PHF21B: variants seen among roughly 807,000 people sequenced by gnomAD.
The protein encoded by PHF21B is PHD finger protein 4.
In PHF21B, 22 loss-of-function variants were observed where a neutral mutation model predicts 62.2. That is an observed-to-expected ratio of 0.35 (90% confidence interval 0.25 to 0.51). PHF21B has a LOEUF of 0.51. Ranked by LOEUF, PHF21B falls within the 20% of genes least tolerant of loss-of-function variation. The probability of loss-of-function intolerance (pLI) is 0.97; values close to 1 mark genes in which losing one functional copy is unlikely to be tolerated. For synonymous variants in PHF21B, 341 were observed against 314.7 expected (o/e 1.08, Z -0.88); for missense variants, 701 against 707.9 (o/e 0.99, Z 0.11).
chr22:44,903,029 A>C (rs1247662659), intron 5 of PHF21B, among the ~76,000 whole-genome samples: 1 of 152,108 alleles, frequency 6.6e-6, no homozygotes, highest in Non-Finnish European at 1.5e-5. Context: ...CCTCTCCCCC[A>C]TGGTCAAAGA....
chr22:44,999,482 C>G (rs185121457), intron 2 of PHF21B, among the ~76,000 whole-genome samples: 4 of 152,238 alleles, frequency 2.6e-5, no homozygotes, highest in African/African-American at 9.6e-5. Flanking sequence ...CCGGGAGATG[C>G]AGAGACCCAG....
chr22:44,956,576 A>G (rs2072301828), intron 2 of PHF21B, among the ~76,000 whole-genome samples: 1 of 152,190 alleles, frequency 6.6e-6, no homozygotes, highest in Non-Finnish European at 1.5e-5. Context: ...TTTATCACAC[A>G]TTATGGGACT....
intron 11 of PHF21B, 47 bp from the exon 12 acceptor site, chr22:44,885,576 G>T (rs755408272): frequency 6.6e-7 from 1 of 1,525,686 alleles, no homozygotes; most frequent in South Asian, 1.2e-5. Flanking sequence ...GGTAAGGAGC[G>T]GCTGGGTCGT....
In PHF21B at chr22:44,909,524, T is replaced by C. The variant is rs1007794293; in HGVS notation, c.831+4298A>G. ...CAGCTCCTTGACTTCACTGGCTTTT[T>C]AGACATGTCGAAGGACAATAATCAA... On this transcript the variant is annotated intron_variant, in intron 5 of 12. Coordinates refer to ENST00000313237, the MANE Select transcript of PHF21B (RefSeq NM_138415.5). Among the ~76,000 whole-genome samples the C allele has an allele frequency of 7.9e-5, 12 of 152,378 alleles. 3 individuals carry two copies.
At chr22:44,885,705 C>A (rs1308240330) in intron 11 of PHF21B, among the ~76,000 whole-genome samples, 158 bp downstream of exon 11, 2 of 152,214 alleles carry the variant, frequency 1.3e-5, no homozygotes, top group African/African-American at 4.8e-5. Context: ...CCACACCTGC[C>A]CCGGACACAG....
intron 2 of PHF21B, among the ~76,000 whole-genome samples, chr22:44,952,571 C>A (rs1355874275): frequency 1.3e-5 from 2 of 152,210 alleles, no homozygotes; most frequent in Admixed American, 6.5e-5. Flanking sequence ...GGGCTTTCAA[C>A]TGATGGGAAT....
chr22:44,907,005 A>G (rs963961475), intron 5 of PHF21B, among the ~76,000 whole-genome samples: 2 of 152,182 alleles, frequency 1.3e-5, no homozygotes, highest in Non-Finnish European at 2.9e-5. Flanking sequence ...CTGAGCTTCC[A>G]CTGCCCATCA....
intron 2 of PHF21B, among the ~76,000 whole-genome samples, chr22:44,941,793 C>T (rs1253028274): frequency 2.0e-5 from 3 of 152,242 alleles, no homozygotes; most frequent in Admixed American, 6.5e-5. Flanking sequence ...AAGGTGAGGA[C>T]GGCAGGGGCA....
chr22:45,009,645 G>A lies in PHF21B; in HGVS notation c.-96C>T. The A allele has an allele frequency of 7.8e-7, 1 of 1,279,960 alleles. No individual in the cohort carries two copies. The highest frequency in any genetic ancestry group is 1.0e-6 in the Non-Finnish European group (1 of 973,978). The allele number at this position is 1,279,960 out of a possible 1,614,324, so 79.3% of individuals were successfully genotyped here. ...GGCCAGAGCGGGCGCGGGCGGACGC[G>A]GCCTCCGGGCTGGGTTGGGGGGGAC... On this transcript the variant is annotated 5_prime_UTR_variant, in exon 1 of 13. Transcript: ENST00000313237. The surrounding 1 kb of genome is among the most constrained non-coding windows in gnomAD (Gnocchi z 5.9).
intron 2 of PHF21B, among the ~76,000 whole-genome samples, chr22:44,957,339 C>G (rs1182331520): frequency 6.6e-6 from 1 of 152,190 alleles, no homozygotes; most frequent in African/African-American, 2.4e-5. Context: ...ATGAAAAACC[C>G]TCTGAAGGTA....
chr22:44,895,851 T>C (rs148087813), intron 6 of PHF21B, among the ~76,000 whole-genome samples, 181 bp downstream of exon 6: 71 of 152,312 alleles, frequency 4.7e-4, no homozygotes, highest in Non-Finnish European at 8.5e-4. Context: ...AGGTGGTTTA[T>C]ACACAGACAC....
chr22:44,906,197 G>A (rs775449062), intron 5 of PHF21B, among the ~76,000 whole-genome samples: 3 of 152,224 alleles, frequency 2.0e-5, no homozygotes, highest in Non-Finnish European at 2.9e-5. Context: ...TGTATCTGGG[G>A]TTGCTGTGGG....
At position 45,008,608 on chromosome 22, in the gene PHF21B, G is replaced by A. The variant is rs1221789342; in HGVS notation, c.57C>T (p.Asn19=). 1.3e-6 allele frequency: 2 copies of A among 1,585,416 alleles called. No homozygotes were observed. Among genetic ancestry groups the A allele is most frequent in the Non-Finnish European group, 8.6e-7 (1 of 1,166,402 alleles). Residue 19 remains asparagine, a splice_region_variant and synonymous_variant, in exon 2 of 13, where the codon AAC becomes AAT. Coordinates refer to ENST00000313237, the MANE Select transcript of PHF21B (RefSeq NM_138415.5). The part of the protein sequence containing the change: ...ALAVELARHQ[N]GDLKKQLHER... ...CGTGGAGCTGCTTCTTGAGGTCGCC[G>A]TTCTGCGGAAACACGGAGGAGCGGG... is the stretch of plus-strand genomic sequence containing the variant.
At position 45,009,561 on chromosome 22, in the gene PHF21B, G is replaced by C. The variant is rs1465864700; in HGVS notation, c.-12C>G. ...CTCTGCAGCTCCATCCCGGCAACTT[G>C]GGCAGCACTTTGCGCTCACTTTGGC... On this transcript the variant is annotated 5_prime_UTR_variant, in exon 1 of 13. Coordinates refer to ENST00000313237, the MANE Select transcript of PHF21B (RefSeq NM_138415.5). This position sits in a 1 kb window ranked among gnomAD's most constrained non-coding sequence, Gnocchi z 5.9. 1 of 1,568,442 alleles carries C rather than the reference G, an allele frequency of 6.4e-7. No homozygotes were observed. The highest frequency in any genetic ancestry group is 1.4e-5 in the African/African-American group (1 of 72,990).
At chr22:44,928,649 A>T (rs1243914461) in intron 2 of PHF21B, among the ~76,000 whole-genome samples, 1 of 152,174 alleles carries the variant, frequency 6.6e-6, no homozygotes, top group Non-Finnish European at 1.5e-5. Context: ...ACCTCAAACG[A>T]TCTGCCCACC....
intron 2 of PHF21B, among the ~76,000 whole-genome samples, chr22:44,971,644 C>G (rs904967245): frequency 6.6e-6 from 1 of 152,102 alleles, no homozygotes; most frequent in Non-Finnish European, 1.5e-5. Flanking sequence ...TTGGGCGGCT[C>G]TCTCTCTCCC....
chr22:44,937,886 G>T (rs893718666), intron 2 of PHF21B, among the ~76,000 whole-genome samples: 4 of 152,260 alleles, frequency 2.6e-5, no homozygotes, highest in Non-Finnish European at 4.4e-5. Flanking sequence ...CTAATCCCTG[G>T]TGATGAAATC....
chr22:44,910,335 C>T (rs548875762), intron 5 of PHF21B, among the ~76,000 whole-genome samples: 3 of 152,284 alleles, frequency 2.0e-5, no homozygotes, highest in African/African-American at 7.2e-5. Flanking sequence ...AATCCCAGCA[C>T]TTTCGGAGGC....
At chr22:44,943,405 C>T (rs1389592033) in intron 2 of PHF21B, among the ~76,000 whole-genome samples, 2 of 152,190 alleles carry the variant, frequency 1.3e-5, no homozygotes, top group African/African-American at 2.4e-5. Flanking sequence ...AGAGCCCCAT[C>T]TGAGCTAGAT....
Sources: gnomAD v4.1 joint callset for allele counts (sites outside exome capture counted in the v4.1 genomes callset) on GRCh38, gnomAD v4.1.1 for gene constraint, Gnocchi (gnomAD v3.1) non-coding constraint, MANE v1.5 for transcripts, NCBI Gene and HGNC (gene_info 2026-07-23, HGNC 2026-07-21) for gene names.